Variants in SENP5 observed in about 807,000 individuals in gnomAD.
SENP5 encodes sentrin-specific protease 5.
In SENP5, 21 loss-of-function variants were observed where a neutral mutation model predicts 74.2. That is an observed-to-expected ratio of 0.28 (90% CI 0.20 to 0.41). The LOEUF is 0.41. Among genes scored for constraint, SENP5 ranks in the 10% least tolerant of loss-of-function variants. SENP5 has a pLI of 1.00. For missense variants in SENP5, 717 were observed against 889.1 expected (o/e 0.81, Z 2.46); for synonymous variants, 311 against 312.7 (o/e 0.99, Z 0.06).
rs372147937 is a variant in SENP5, at chr3:196,899,656, T to C, written c.1514-10T>C. ...TTCCATCTTAACTTTTCTTTCTTCC[T>C]TTATTTAAGGATTCCTAGATGAGGT... On this transcript the variant is annotated splice_polypyrimidine_tract_variant and intron_variant, in intron 2 of 9. Transcript: ENST00000323460. 8 of 1,557,776 alleles carry C rather than the reference T, an allele frequency of 5.1e-6. 1 individual carries two copies. The African/African-American group carries it at 1.1e-4, about 21-fold the overall frequency.
At chr3:196,924,629 G>A (rs970460556) in intron 7 of SENP5, among the ~76,000 whole-genome samples, 1 of 152,088 alleles carries the variant, frequency 6.6e-6, no homozygotes, top group Non-Finnish European at 1.5e-5. Context: ...TGGTTAGAGT[G>A]TATAAATTGA....
rs1419383167 is a variant in SENP5, at chr3:196,923,546, G to A, written c.2017G>A (p.Val673Ile). ...CCAAGGCATTCATTTTAAGTTTTGTGTAGAGGTAAGTTAATATACTGCCTA... is the reference window on the plus strand; with the variant it reads ...CCAAGGCATTCATTTTAAGTTTTGTATAGAGGTAAGTTAATATACTGCCTA... The part of the protein sequence containing the change: ...DSQGIHFKFC[V>I]ENIRKYLLTE... Residue 673 changes from valine (V) to isoleucine (I), a missense_variant, in exon 7 of 10, where the codon GTA becomes ATA. By Grantham distance (29) the Val-to-Ile change is conservative. Transcript: ENST00000323460. 4 of 1,598,028 alleles carry A rather than the reference G, an allele frequency of 2.5e-6. No individual in the cohort carries two copies. The African/African-American group carries it at 4.0e-5, about 16-fold the overall frequency.
Position 196,934,247 on chromosome 3 carries a change from A to G in SENP5, c.*3324A>G, listed in dbSNP as rs1716160354. 6.6e-6 allele frequency: 1 copy of G among 152,260 alleles called. No homozygotes were observed. The highest frequency in any genetic ancestry group is 2.4e-5 in the African/African-American group (1 of 41,466). 9.4% of individuals were successfully genotyped at this position (152,260 alleles called of 1,614,324 possible). A position where few individuals can be genotyped will look rare whatever the true frequency, so the allele number is the denominator to read the frequency against. On this transcript the variant is annotated 3_prime_UTR_variant, in exon 10 of 10. Transcript: ENST00000323460. The stretch of plus-strand genomic sequence containing the variant: ...GTCATCCTGGATTTATAGTTGGAAC[A>G]GAACAGTAACAGACCTAACTGGGAC...
At chr3:196,929,482 T>C in intron 8 of SENP5, 151 bp from the exon 9 acceptor site, 1 of 554,548 alleles carries the variant, frequency 1.8e-6, no homozygotes, top group South Asian at 2.5e-5. Context: ...GGTGCCTCCA[T>C]AAAATTAGAT....
chr3:196,883,030 G>A (rs1263463276), intron 1 of SENP5, among the ~76,000 whole-genome samples: 1 of 151,838 alleles, frequency 6.6e-6, no homozygotes, highest in African/African-American at 2.4e-5. Flanking sequence ...GAGATGAGTG[G>A]CAAAGTGTGT....
At chr3:196,902,014 G>C (rs1714721109) in intron 5 of SENP5, among the ~76,000 whole-genome samples, 1 of 152,196 alleles carries the variant, frequency 6.6e-6, no homozygotes, top group Non-Finnish European at 1.5e-5. Context: ...TTTGTGTTTT[G>C]ACAAGCTCTC....
chr3:196,876,912 C>G (rs1327339564), intron 1 of SENP5, among the ~76,000 whole-genome samples: 1 of 152,128 alleles, frequency 6.6e-6, no homozygotes, highest in African/African-American at 2.4e-5. Flanking sequence ...ATTTTGATTT[C>G]ATTCTTAAAT....
chr3:196,873,028 GTT>G (rs2108803015), intron 1 of SENP5, among the ~76,000 whole-genome samples: 1 of 146,452 alleles, frequency 6.8e-6, no homozygotes, highest in South Asian at 2.2e-4. Context: ...TTGAGGTATT[GTT>G]CTTTAGATTG....
intron 6 of SENP5, among the ~76,000 whole-genome samples, chr3:196,911,702 C>T (rs979256582): frequency 3.3e-5 from 5 of 151,976 alleles, no homozygotes; most frequent in Non-Finnish European, 5.9e-5. Flanking sequence ...CCCAGCTACT[C>T]GGGAGGCTGA....
At chr3:196,882,650 T>C (rs1475191379) in intron 1 of SENP5, among the ~76,000 whole-genome samples, 1 of 152,132 alleles carries the variant, frequency 6.6e-6, no homozygotes, top group Non-Finnish European at 1.5e-5. Flanking sequence ...ATTACAGGCA[T>C]GCACCACCAT....
Position 196,885,528 on chromosome 3 carries a change from C to G in SENP5, c.347C>G (p.Ala116Gly). Residue 116 changes from alanine (A) to glycine (G), a missense_variant, in exon 2 of 10, where the codon GCA becomes GGA. This residue lies in a region of SENP5 where 567 missense variants were observed against 577.4 expected (regional missense o/e 0.98). Coordinates refer to ENST00000323460, the MANE Select transcript of SENP5 (RefSeq NM_152699.5). ...SSSKTLLRLQ[A>G]EKLLSSAKNS... ...TCAAAGACTCTCCTGAGACTCCAAG[C>G]AGAGAAGCTGTTGTCATCAGCAAAG... 6.2e-7 allele frequency: 1 copy of G among 1,614,112 alleles called. No homozygotes were observed. Among genetic ancestry groups the G allele is most frequent in the Non-Finnish European group, 8.5e-7 (1 of 1,180,038 alleles).
intron 6 of SENP5, among the ~76,000 whole-genome samples, chr3:196,906,398 G>A (rs1163942987): frequency 6.6e-6 from 1 of 152,144 alleles, no homozygotes; most frequent in Non-Finnish European, 1.5e-5. Context: ...CACAAAGTCT[G>A]CAGTCTAGTG....
intron 1 of SENP5, among the ~76,000 whole-genome samples, chr3:196,877,337 C>T (rs778234859): frequency 6.6e-6 from 1 of 152,056 alleles, no homozygotes; most frequent in Non-Finnish European, 1.5e-5. Context: ...GTGCCCACCA[C>T]CACACACGGC....
At chr3:196,919,250 G>A (rs1715515013) in intron 6 of SENP5, among the ~76,000 whole-genome samples, 1 of 152,232 alleles carries the variant, frequency 6.6e-6, no homozygotes, top group Non-Finnish European at 1.5e-5. Context: ...GGAGACTGAA[G>A]TGGGTGGATT....
chr3:196,930,237 G>C (rs1373094153), intron 9 of SENP5, among the ~76,000 whole-genome samples: 1 of 152,096 alleles, frequency 6.6e-6, no homozygotes, highest in Non-Finnish European at 1.5e-5. Context: ...ATGCATGTTT[G>C]GGGTTTTATA....
chr3:196,916,375 A>G (rs887860475), intron 6 of SENP5, among the ~76,000 whole-genome samples: 67 of 152,038 alleles, frequency 4.4e-4, no homozygotes, highest in Non-Finnish European at 8.8e-5. Context: ...ACTTCACCAA[A>G]CTAAAGGCAC....
intron 6 of SENP5, chr3:196,914,579 AAAAAAAAATAT>A (rs1362770329): frequency 1.0e-5 from 1 of 97,052 alleles, no homozygotes; most frequent in African/African-American, 4.3e-5. Flanking sequence ...AAAAAAAAAA[AAAAAAAAATAT>A]ATATATATAT....
chr3:196,869,564 C>A (rs796437326), intron 1 of SENP5, among the ~76,000 whole-genome samples: 1 of 151,484 alleles, frequency 6.6e-6, no homozygotes, highest in Non-Finnish European at 1.5e-5. Flanking sequence ...AGTTCGAGAT[C>A]AGCCTAACCA....
At position 196,886,388 on chromosome 3, in the gene SENP5, A is replaced by T. The variant is rs760990850; in HGVS notation, c.1207A>T (p.Thr403Ser). Residue 403 changes from threonine (T) to serine (S), a missense_variant, in exon 2 of 10, where the codon ACA (threonine) becomes TCA (serine). Around this residue, in one of 4 missense-constraint regions of SENP5, gnomAD observed 567 missense variants for 577.4 expected, o/e 0.98. Coordinates refer to ENST00000323460, the MANE Select transcript of SENP5 (RefSeq NM_152699.5). ...EIMTLGQENQTSSVSDDRVKL... is the reference protein window; with the variant it reads ...EIMTLGQENQSSSVSDDRVKL... ...TATGACTCTGGGTCAGGAAAATCAG[A>T]CAAGTTCTGTCAGTGATGACAGAGT... is the stretch of plus-strand genomic sequence containing the variant. 6 of 1,612,792 alleles carry T rather than the reference A, an allele frequency of 3.7e-6. No individual in the cohort carries two copies. In the African/African-American group the frequency reaches 6.7e-5, roughly 18 times the overall value.
Sources: gnomAD v4.1 joint callset for allele counts (sites outside exome capture counted in the v4.1 genomes callset) on GRCh38, gnomAD v4.1.1 for gene constraint, gnomAD v4.1.1 regional missense constraint, MANE v1.5 for transcripts, NCBI Gene and HGNC (gene_info 2026-07-23, HGNC 2026-07-21) for gene names.